Variants in INPP5E observed in about 807,000 individuals in gnomAD.
The protein encoded by INPP5E is phosphatidylinositol polyphosphate 5-phosphatase type IV.
In INPP5E, 34 loss-of-function variants were observed where a neutral mutation model predicts 50.5. That is an observed-to-expected ratio of 0.67 (90% confidence interval 0.51 to 0.90). The LOEUF is 0.90. INPP5E is among the 40% of genes least tolerant of loss of function. The probability of loss-of-function intolerance (pLI) is 0.00; values close to 1 mark genes in which losing one functional copy is unlikely to be tolerated. For synonymous variants in INPP5E, 447 were observed against 406.0 expected (o/e 1.10, Z -1.21); for missense variants, 942 against 905.5 (o/e 1.04, Z -0.52).
At position 136,439,572 on chromosome 9, in the gene INPP5E, G is replaced by C. The variant is rs1370860410; in HGVS notation, c.-153C>G. On this transcript the variant is annotated 5_prime_UTR_variant, in exon 1 of 10. Transcript: ENST00000371712. ...GGATGGTCGCGGAGGGGCGGGGGCGGCTGCCGCATGGCCCGGGCCCCGAGT... is the reference window on the plus strand; with the variant it reads ...GGATGGTCGCGGAGGGGCGGGGGCGCCTGCCGCATGGCCCGGGCCCCGAGT... 1 of 478,830 alleles carries C rather than the reference G, an allele frequency of 2.1e-6. No individual in the cohort carries two copies. The highest frequency in any genetic ancestry group is 3.8e-5 in the East Asian group (1 of 26,332). 29.7% of individuals were successfully genotyped at this position (478,830 alleles called of 1,614,324 possible).
In INPP5E at chr9:136,429,517, C is replaced by T. The variant is rs867169901; in HGVS notation, c.*158G>A. ...GTGGACCTGCCACAGAGGACAGGCT[C>T]GCTCAGGGTTGGCTTCCTTCCTGGG... On this transcript the variant is annotated 3_prime_UTR_variant, in exon 10 of 10. Coordinates refer to ENST00000371712, the MANE Select transcript of INPP5E (RefSeq NM_019892.6). 1.7e-5 allele frequency: 16 copies of T among 940,272 alleles called. No individual in the cohort carries two copies. The highest frequency in any genetic ancestry group is 7.9e-5 in the South Asian group (6 of 76,054). 58.2% of individuals were successfully genotyped at this position (940,272 alleles called of 1,614,324 possible).
At chr9:136,435,114 G>A (rs1446739995) in intron 1 of INPP5E, among the ~76,000 whole-genome samples, 1 of 152,170 alleles carries the variant, frequency 6.6e-6, no homozygotes, top group African/African-American at 2.4e-5. Context: ...ATGAGAGGGT[G>A]ACGGTTTGGG....
intron 6 of INPP5E, 102 bp from the exon 7 acceptor site, chr9:136,432,087 T>A: frequency 6.8e-7 from 1 of 1,461,094 alleles, no homozygotes; most frequent in Non-Finnish European, 9.5e-7. Flanking sequence ...GAAGTGGGTC[T>A]TGGGCGCCAG....
chr9:136,433,176 CCCTGCGGATGAAGAGCGACA>C lies in INPP5E; in HGVS notation c.1118_1137del (p.Met373ArgfsTer50), dbSNP rs1564433343. The C allele has an allele frequency of 1.6e-6, 2 of 1,277,456 alleles. No homozygotes were observed. Among genetic ancestry groups the C allele is most frequent in the Non-Finnish European group, 2.2e-6 (2 of 917,732 alleles). The allele number at this position is 1,277,456 out of a possible 1,614,324, so 79.1% of individuals were successfully genotyped here. On this transcript the variant is annotated frameshift_variant, in exon 4 of 10. Coordinates refer to ENST00000371712, the MANE Select transcript of INPP5E (RefSeq NM_019892.6). LOFTEE classifies it high-confidence loss of function. ...CCACCTGAGCAGAACCAGATGAGGT[CCCTGCGGATGAAGAGCGACA>C]TGTAGAGCACGCCGTGGGCCGCCGA...
At position 136,432,518 on chromosome 9, in the gene INPP5E, T is replaced by C; in HGVS notation, c.1348A>G (p.Arg450Gly). ...TAGGGGTTGGTGTCGGGCACATTTC[T>C]GGGCAGGACCAGGGCTTGTACAGTC... ...TRTVQALVLPRNVPDTNPYRS... is the reference protein window; with the variant it reads ...TRTVQALVLPGNVPDTNPYRS... The change falls in exon 6 of 10, where the codon AGA becomes GGA. Residue 450 changes from arginine (R) to glycine (G), a missense_variant. Arg to Gly is a moderately radical substitution (Grantham distance 125). Coordinates refer to ENST00000371712, the MANE Select transcript of INPP5E (RefSeq NM_019892.6). The C allele has an allele frequency of 6.4e-7, 1 of 1,551,722 alleles. No individual in the cohort carries two copies.
At chr9:136,435,734 C>G (rs1835814827) in intron 1 of INPP5E, 1 of 152,210 alleles carries the variant, frequency 6.6e-6, no homozygotes, top group African/African-American at 2.4e-5. Context: ...CATCCAGTGT[C>G]TGTCGCCGTG....
In INPP5E at chr9:136,432,529, A is replaced by T; in HGVS notation, c.1337T>A (p.Leu446Gln). 6.4e-7 allele frequency: 1 copy of T among 1,551,610 alleles called. No homozygotes were observed. Among genetic ancestry groups the T allele is most frequent in the Non-Finnish European group, 8.7e-7 (1 of 1,147,378 alleles). ...LLDYTRTVQA[L>Q]VLPRNVPDTN... Reference sequence around the variant, plus strand: ...GTCGGGCACATTTCTGGGCAGGACCAGGGCTTGTACAGTCCTGGTGTAGTC... The same window carrying T: ...GTCGGGCACATTTCTGGGCAGGACCTGGGCTTGTACAGTCCTGGTGTAGTC... Residue 446 changes from leucine to glutamine, a missense_variant, in exon 6 of 10, where the codon CTG becomes CAG. Coordinates refer to ENST00000371712, the MANE Select transcript of INPP5E (RefSeq NM_019892.6).
chr9:136,430,126 G>A, intron 9 of INPP5E, 151 bp downstream of exon 9: 1 of 1,043,734 alleles, frequency 9.6e-7, no homozygotes, highest in Non-Finnish European at 1.4e-6. Flanking sequence ...CCTGCTCCAG[G>A]ATGAGTCCAA....
chr9:136,430,229 G>A (rs746644044), intron 9 of INPP5E, 48 bp downstream of exon 9: 31 of 1,549,466 alleles, frequency 2.0e-5, no homozygotes, highest in Non-Finnish European at 2.7e-5. Flanking sequence ...ATGGGACGAC[G>A]GCACGACCCC....
rs2131619031 is a variant in INPP5E at position 136,439,031 on chromosome 9, G to C, written c.389C>G (p.Pro130Arg). The C allele has an allele frequency of 4.4e-6, 7 of 1,583,506 alleles. No individual in the cohort carries two copies. Among genetic ancestry groups the C allele is most frequent in the Non-Finnish European group, 5.1e-6 (6 of 1,165,572 alleles). The change falls in exon 1 of 10, where the codon CCG (proline) becomes CGG (arginine). Residue 130 changes from proline to arginine, a missense_variant. Transcript: ENST00000371712. ...GPGAPAHSCS[P>R]PCLSTSLQEI... ...CTGCAAGGAGGTGCTCAGGCAGGGCGGGGAGCAGCTGTGGGCGGGGGCCCC... is the reference window on the plus strand; with the variant it reads ...CTGCAAGGAGGTGCTCAGGCAGGGCCGGGAGCAGCTGTGGGCGGGGGCCCC...
chr9:136,429,500 G>T lies in INPP5E; in HGVS notation c.*175C>A. 1.2e-6 allele frequency: 1 copy of T among 835,104 alleles called. No homozygotes were observed. The highest frequency in any genetic ancestry group is 2.0e-6 in the Non-Finnish European group (1 of 493,244). 51.7% of individuals were successfully genotyped at this position (835,104 alleles called of 1,614,324 possible). A position where few individuals can be genotyped will look rare whatever the true frequency, so the allele number is the denominator to read the frequency against. ...CTGCCCACCCACACCGTGTGGACCT[G>T]CCACAGAGGACAGGCTCGCTCAGGG... On this transcript the variant is annotated 3_prime_UTR_variant, in exon 10 of 10. Coordinates refer to ENST00000371712, the MANE Select transcript of INPP5E (RefSeq NM_019892.6).
chr9:136,439,114 G>T lies in INPP5E; in HGVS notation c.306C>A (p.Asp102Glu). The T allele has an allele frequency of 6.3e-7, 1 of 1,584,108 alleles. No homozygotes were observed. Among genetic ancestry groups the T allele is most frequent in the Non-Finnish European group, 8.6e-7 (1 of 1,167,612 alleles). The stretch of plus-strand genomic sequence containing the variant: ...GACTGGTCCCATTCCGGGCTTCCAG[G>T]TCCTCCTGGCTGCCTCGAAAACGCC... ...RRRRFRGSQE[D>E]LEARNGTSPS... Residue 102 changes from aspartate to glutamate, a missense_variant, in exon 1 of 10, where the codon GAC becomes GAA. Physicochemically the swap from Asp to Glu is conservative, Grantham distance 45 (BLOSUM62 2). Transcript: ENST00000371712.
intron 1 of INPP5E, chr9:136,438,291 G>A: frequency 8.6e-6 from 4 of 464,100 alleles, no homozygotes; most frequent in Non-Finnish European, 1.6e-5. Flanking sequence ...CCAAAGGGGC[G>A]GATCGTATAC....
At chr9:136,432,135 G>A (rs1835722453) in intron 6 of INPP5E, 150 bp from the exon 7 acceptor site, 1 of 975,146 alleles carries the variant, frequency 1.0e-6, no homozygotes, top group East Asian at 2.6e-5. Context: ...GATTCGCACT[G>A]GGACAGTTCC....
chr9:136,432,057 C>T, intron 6 of INPP5E, 72 bp from the exon 7 acceptor site: 2 of 1,583,150 alleles, frequency 1.3e-6, no homozygotes, highest in South Asian at 1.1e-5. Flanking sequence ...CAGAACATGG[C>T]CTGGGAGTGG....
intron 6 of INPP5E, 106 bp from the exon 7 acceptor site, chr9:136,432,091 G>T: frequency 7.0e-7 from 1 of 1,422,662 alleles, no homozygotes; most frequent in Non-Finnish European, 9.8e-7. Flanking sequence ...TGGGTCTTGG[G>T]CGCCAGCCGG....
Position 136,438,931 on chromosome 9 carries a change from C to T in INPP5E, c.489G>A (p.Gly163=). Residue 163 remains glycine, a synonymous_variant, in exon 1 of 10, where the codon GGG becomes GGA. Transcript: ENST00000371712. ...SPSSGGNPLS[G]VASSSPNLPH... ...GGAGGTTCGGGGAGCTGCTGGCCACCCCAGAGAGAGGGTTACCCCCCGAGG... is the reference window on the plus strand; with the variant it reads ...GGAGGTTCGGGGAGCTGCTGGCCACTCCAGAGAGAGGGTTACCCCCCGAGG... The T allele has an allele frequency of 1.3e-6, 2 of 1,570,534 alleles. No individual in the cohort carries two copies. The highest frequency in any genetic ancestry group is 1.7e-6 in the Non-Finnish European group (2 of 1,158,296).
In INPP5E at chr9:136,431,984, C is replaced by G; in HGVS notation, c.1389G>C (p.Ala463=). ...PDTNPYRSSA[A]DVTTRFDEVF... is the part of the protein sequence containing the mutation. ...CCTCATCGAAGCGGGTGGTGACGTC[C>G]GCTGCGGCACAGTGGGCCATGTGTG... is the stretch of plus-strand genomic sequence containing the variant. Residue 463 remains alanine (A), a splice_region_variant and synonymous_variant, in exon 7 of 10, where the codon GCG becomes GCC. Transcript: ENST00000371712. 6.2e-7 allele frequency: 1 copy of G among 1,612,588 alleles called. No individual in the cohort carries two copies. Among genetic ancestry groups the G allele is most frequent in the Non-Finnish European group, 8.5e-7 (1 of 1,179,886 alleles).
rs199734968 is a variant in INPP5E at position 136,429,662 on chromosome 9, C to T, written c.*13G>A. On this transcript the variant is annotated 3_prime_UTR_variant, in exon 10 of 10. Coordinates refer to ENST00000371712, the MANE Select transcript of INPP5E (RefSeq NM_019892.6). ...ACCCCACGTTGCAGCTGTGAGTCCTCGTTCAGCAAACTTCAAGAAACGGAG... is the reference window on the plus strand; with the variant it reads ...ACCCCACGTTGCAGCTGTGAGTCCTTGTTCAGCAAACTTCAAGAAACGGAG... The T allele has an allele frequency of 2.0e-5, 33 of 1,613,854 alleles. No homozygotes were observed. Among genetic ancestry groups the T allele is most frequent in the African/African-American group, 6.7e-5 (5 of 75,052 alleles).
Sources: gnomAD v4.1 joint callset for allele counts (sites outside exome capture counted in the v4.1 genomes callset) on GRCh38, gnomAD v4.1.1 for gene constraint, MANE v1.5 for transcripts, NCBI Gene and HGNC (gene_info 2026-07-23, HGNC 2026-07-21) for gene names.